The following AKNAD1 variants were observed in gnomAD, a reference collection of about 807,000 sequenced individuals.
AKNAD1 encodes the protein protein AKNAD1.
Under a neutral mutation model 90.8 loss-of-function variants are expected in AKNAD1, and 67 were observed. That is an observed-to-expected ratio of 0.74 (90% CI 0.61 to 0.90). The LOEUF (loss-of-function observed/expected upper bound fraction) is 0.90, where lower values mean the gene tolerates loss of function less well. Ranked by LOEUF, AKNAD1 falls within the 40% of genes least tolerant of loss-of-function variation. AKNAD1 has a pLI of 0.00. For synonymous variants in AKNAD1, 327 were observed against 341.4 expected, an observed-to-expected ratio of 0.96 and a Z score of 0.46; for missense variants, 957 against 975.4, an observed-to-expected ratio of 0.98 and a Z score of 0.25.
At chr1:108,834,313 C>T (rs1005944141) in intron 9 of AKNAD1, 134 bp downstream of exon 9, 4 of 711,462 alleles carry the variant, frequency 5.6e-6, no homozygotes, top group Non-Finnish European at 6.9e-6. Flanking sequence ...CCAGCACTGA[C>T]ACCCAGGATG....
intron 10 of AKNAD1, among the ~76,000 whole-genome samples, chr1:108,827,813 CAAAA>C (rs11369356): frequency 1.7e-5 from 2 of 115,090 alleles, no homozygotes; most frequent in African/African-American, 6.4e-5. Context: ...GACTCCTACT[CAAAA>C]AAAAAAAAAA....
At chr1:108,833,000 AT>A (rs1226477264) in intron 9 of AKNAD1, among the ~76,000 whole-genome samples, 3 of 152,178 alleles carry the variant, frequency 2.0e-5, no homozygotes, top group Non-Finnish European at 2.9e-5. Context: ...TCAACTACAA[AT>A]GTTTGCATGT....
Position 108,851,096 on chromosome 1 carries a change from C to T in AKNAD1, c.993+576G>A, listed in dbSNP as rs778546102. Among the ~76,000 whole-genome samples, 5 of 152,060 alleles carry T rather than the reference C, an allele frequency of 3.3e-5. No individual in the cohort carries two copies. The East Asian group carries it at 7.7e-4, about 23-fold the overall frequency. On this transcript the variant is annotated intron_variant, in intron 2 of 15. Transcript: ENST00000370001. ...TGGGGGAAATTAGGCAATGGAAAGG[C>T]GAAGATAAGGTTGCTGCCCTCCAGA...
At chr1:108,821,292 A>G (rs1270618327) in intron 13 of AKNAD1, among the ~76,000 whole-genome samples, 2 of 152,074 alleles carry the variant, frequency 1.3e-5, no homozygotes, top group African/African-American at 2.4e-5. Context: ...CTCTACTAAA[A>G]ATACAAAAAT....
rs747057495 is a variant in AKNAD1 at position 108,823,488 on chromosome 1, A to G, written c.2060-11T>C. ...ATCTATAATGAAATTCTGGGAAGAA[A>G]AGATTAAAAATACAGTTAATTGCCT... On this transcript the variant is annotated splice_polypyrimidine_tract_variant and intron_variant, in intron 12 of 15. Transcript: ENST00000370001. The G allele has an allele frequency of 6.2e-6, 10 of 1,612,560 alleles. No individual in the cohort carries two copies. In the African/African-American group the frequency reaches 1.1e-4, roughly 17 times the overall value.
chr1:108,839,373 T>C (rs1286272177), intron 6 of AKNAD1, among the ~76,000 whole-genome samples: 2 of 150,862 alleles, frequency 1.3e-5, no homozygotes, highest in Admixed American at 6.6e-5. Flanking sequence ...CTTGGGAGGC[T>C]GAGGCAGGAG....
Position 108,852,624 on chromosome 1 carries a change from T to G in AKNAD1, c.41A>C (p.Gln14Pro), listed in dbSNP as rs768158419. The change falls in exon 2 of 16, where the codon CAG becomes CCG. Residue 14 changes from glutamine (Q) to proline (P), a missense_variant. By Grantham distance (76) the Gln-to-Pro change is moderately conservative (BLOSUM62 -1). Coordinates refer to ENST00000370001, the MANE Select transcript of AKNAD1 (RefSeq NM_152763.5). ...GTCCCCATCATAAGGCAAATCCTCC[T>G]GCTTATAAGTCGTGTGTTCTGAAAA... ...ADFSEHTTYK[Q>P]EDLPYDGDLS... 1.2e-6 allele frequency: 2 copies of G among 1,602,348 alleles called. No homozygotes were observed. Among genetic ancestry groups the G allele is most frequent in the Middle Eastern group, 1.7e-4 (1 of 5,978 alleles).
intron 5 of AKNAD1, among the ~76,000 whole-genome samples, chr1:108,847,112 T>G (rs1451244660): frequency 1.3e-5 from 2 of 152,088 alleles, no homozygotes; most frequent in Non-Finnish European, 2.9e-5. Context: ...CTCTGTGCCT[T>G]CAGCCTTGCC....
At chr1:108,826,144 C>T (rs1001230781) in intron 11 of AKNAD1, among the ~76,000 whole-genome samples, 1 of 151,666 alleles carries the variant, frequency 6.6e-6, no homozygotes, top group Admixed American at 6.6e-5. Context: ...ATCAATGAAC[C>T]CTATTATTAT....
In AKNAD1 at chr1:108,816,133, A is replaced by ATT. The variant is rs11453763; in HGVS notation, c.*36_*37dup. ...TGGGGGAAGATCAAGTTTTCTTTGC[A>ATT]TTTTTTTCTTTTGAATCCTTGGTAG... On this transcript the variant is annotated 3_prime_UTR_variant, in exon 16 of 16. Coordinates refer to ENST00000370001, the MANE Select transcript of AKNAD1 (RefSeq NM_152763.5). The ATT allele has an allele frequency of 5.9e-6, 9 of 1,523,950 alleles. No homozygotes were observed. Among genetic ancestry groups the ATT allele is most frequent in the East Asian group, 2.4e-5 (1 of 42,542 alleles). 94.4% of individuals were successfully genotyped at this position (1,523,950 alleles called of 1,614,324 possible).
Position 108,816,066 on chromosome 1 carries a change from G to C in AKNAD1, c.*105C>G. ...TCTTATGGTTTCTGTGTTTTCTCTA[G>C]AAAGTCATCTTCCTAAATTGTGTAG... On this transcript the variant is annotated 3_prime_UTR_variant, in exon 16 of 16. Coordinates refer to ENST00000370001, the MANE Select transcript of AKNAD1 (RefSeq NM_152763.5). 8.1e-7 allele frequency: 1 copy of C among 1,232,356 alleles called. No homozygotes were observed. The highest frequency in any genetic ancestry group is 1.5e-5 in the African/African-American group (1 of 65,026). The allele number at this position is 1,232,356 out of a possible 1,614,324, so 76.3% of individuals were successfully genotyped here.
chr1:108,854,835 T>C (rs1046993857), intron 1 of AKNAD1, among the ~76,000 whole-genome samples: 4 of 152,182 alleles, frequency 2.6e-5, no homozygotes, highest in African/African-American at 9.7e-5. Context: ...ATCTGAATAC[T>C]CTGGCTTCTC....
intron 13 of AKNAD1, chr1:108,822,939 G>T (rs760020381): frequency 9.2e-5 from 38 of 412,426 alleles, no homozygotes; most frequent in Non-Finnish European, 1.5e-4. Flanking sequence ...TTTTTGCATT[G>T]GAAGTTAGCA....
At position 108,816,279 on chromosome 1, in the gene AKNAD1, A is replaced by G. The variant is rs138543148; in HGVS notation, c.2403T>C (p.His801=). 1.1e-3 allele frequency: 1,851 copies of G among 1,612,934 alleles called. 19 individuals carry two copies. In the African/African-American group the frequency reaches 0.022, roughly 20 times the overall value. The change falls in exon 16 of 16, where the codon CAT becomes CAC. Residue 801 remains histidine, a synonymous_variant. Coordinates refer to ENST00000370001, the MANE Select transcript of AKNAD1 (RefSeq NM_152763.5). ...KSEILNSALD[H]ALRTATILKE... is the part of the protein sequence containing the mutation. ...TCAAAATGGTTGCTGTCCTTAGGGC[A>G]TGATCCAAAGCCGAGTTTAAAATCT... is the stretch of plus-strand genomic sequence containing the variant.
upstream of AKNAD1, among the ~76,000 whole-genome samples, chr1:108,857,887 T>C (rs1430668086): frequency 6.6e-6 from 1 of 152,272 alleles, no homozygotes; most frequent in African/African-American, 2.4e-5. Flanking sequence ...TTATTCCTTT[T>C]TGTATCTGTC....
chr1:108,838,956 T>TA (rs1664456926), intron 6 of AKNAD1, among the ~76,000 whole-genome samples: 1 of 152,066 alleles, frequency 6.6e-6, no homozygotes, highest in Non-Finnish European at 1.5e-5. Context: ...CCAAGCCTTT[T>TA]AAAAAAAATT....
chr1:108,816,666 C>G (rs1433329627), intron 15 of AKNAD1, among the ~76,000 whole-genome samples: 1 of 151,988 alleles, frequency 6.6e-6, no homozygotes, highest in Non-Finnish European at 1.5e-5. Flanking sequence ...AGGGATACAG[C>G]GCATGCGTAT....
intron 2 of AKNAD1, among the ~76,000 whole-genome samples, chr1:108,850,606 A>G (rs1007961376): frequency 3.3e-5 from 5 of 151,240 alleles, no homozygotes; most frequent in Non-Finnish European, 7.4e-5. Context: ...AAGAGAGGGG[A>G]GCTGAAGTGT....
At chr1:108,816,628 G>T (rs184018602) in intron 15 of AKNAD1, among the ~76,000 whole-genome samples, 93 of 152,256 alleles carry the variant, frequency 6.1e-4, no homozygotes, top group South Asian at 1.0e-3. Flanking sequence ...ATGGGGATTG[G>T]GGGGCCATAA....
Sources: gnomAD v4.1 joint callset for allele counts (sites outside exome capture counted in the v4.1 genomes callset) on GRCh38, gnomAD v4.1.1 for gene constraint, MANE v1.5 for transcripts, NCBI Gene and HGNC (gene_info 2026-07-23, HGNC 2026-07-21) for gene names.